The following EXT1 variants were observed in gnomAD, a reference collection of about 807,000 sequenced individuals.
EXT1 encodes the protein exostosin-1.
Under a neutral mutation model 82.5 loss-of-function variants are expected in EXT1, and 20 were observed. The ratio of observed to expected loss-of-function variants is 0.24; its 90% CI spans 0.17 to 0.35. The LOEUF is 0.35. EXT1 is among the 10% of genes least tolerant of loss of function. The pLI is 1.00. For missense variants in EXT1, 757 were observed against 936.5 expected, an observed-to-expected ratio of 0.81 and a Z score of 2.50; for synonymous variants, 348 against 350.8, an observed-to-expected ratio of 0.99 and a Z score of 0.09.
intron 6 of EXT1, among the ~76,000 whole-genome samples, chr8:117,819,022 C>T (rs929788368): frequency 1.3e-5 from 2 of 152,224 alleles, no homozygotes; most frequent in African/African-American, 4.8e-5. Context: ...TTTGCATGCT[C>T]TAGAATGGTT....
intron 3 of EXT1, chr8:117,831,609 A>G (rs1815216917): frequency 2.1e-6 from 1 of 471,012 alleles, no homozygotes; most frequent in Non-Finnish European, 4.4e-6. Context: ...CTCTTTCTGC[A>G]TGCTTGCCTC....
chr8:118,046,103 C>A (rs1816617994), intron 1 of EXT1, among the ~76,000 whole-genome samples: 1 of 143,844 alleles, frequency 7.0e-6, no homozygotes, highest in Non-Finnish European at 1.5e-5. Context: ...GCCTAGATGT[C>A]TTTTTTTTTT....
intron 1 of EXT1, among the ~76,000 whole-genome samples, chr8:118,086,034 A>T (rs1483066770): frequency 6.6e-6 from 1 of 152,166 alleles, no homozygotes; most frequent in African/African-American, 2.4e-5. Flanking sequence ...GCGAGGCCTC[A>T]TTTTTTTAGT....
intron 1 of EXT1, among the ~76,000 whole-genome samples, chr8:118,050,306 C>G (rs973898763): frequency 1.3e-5 from 2 of 152,204 alleles, no homozygotes; most frequent in East Asian, 3.9e-4. Flanking sequence ...TGGCAGCATG[C>G]TATACATGTA....
chr8:118,005,494 C>T (rs17505121), intron 1 of EXT1, among the ~76,000 whole-genome samples: 4,768 of 152,252 alleles, frequency 0.031, 278 homozygotes, highest in African/African-American at 0.11. Flanking sequence ...GAATGTTTCA[C>T]GTGCAATTAG....
chr8:117,988,818 C>G (rs1048814689), intron 1 of EXT1, among the ~76,000 whole-genome samples: 5 of 152,220 alleles, frequency 3.3e-5, no homozygotes, highest in African/African-American at 1.2e-4. Context: ...GCACAGGCTC[C>G]TGCCGGTCCA....
At chr8:117,847,374 A>G (rs1486724721) in intron 1 of EXT1, among the ~76,000 whole-genome samples, 1 of 152,144 alleles carries the variant, frequency 6.6e-6, no homozygotes. Flanking sequence ...CCTTTTGTAC[A>G]TTTTAAAATC....
intron 1 of EXT1, among the ~76,000 whole-genome samples, chr8:118,070,114 G>A (rs143818594): frequency 6.6e-6 from 1 of 152,248 alleles, no homozygotes; most frequent in East Asian, 1.9e-4. Context: ...GATTTATACA[G>A]TAATGTAACA....
intron 3 of EXT1, chr8:117,831,652 G>A: frequency 2.1e-6 from 1 of 471,176 alleles, no homozygotes; most frequent in Non-Finnish European, 4.4e-6. Flanking sequence ...AGATATGGGA[G>A]TCTGAGCAAG....
chr8:117,836,967 G>A, intron 2 of EXT1, 141 bp downstream of exon 2: 1 of 677,478 alleles, frequency 1.5e-6, no homozygotes, highest in Non-Finnish European at 2.7e-6. Context: ...AAATGTTTTA[G>A]ATTTTCTTGA....
chr8:117,920,114 TA>T (rs1813826334), intron 1 of EXT1, among the ~76,000 whole-genome samples: 1 of 152,144 alleles, frequency 6.6e-6, no homozygotes, highest in Non-Finnish European at 1.5e-5. Flanking sequence ...TATTTTATTT[TA>T]TTTTTTTGAG....
chr8:118,045,696 C>T (rs546898173), intron 1 of EXT1, among the ~76,000 whole-genome samples: 3 of 152,040 alleles, frequency 2.0e-5, no homozygotes, highest in South Asian at 2.1e-4. Context: ...ATACATAATA[C>T]GTATCTGAGT....
At chr8:118,000,809 C>T (rs1288627734) in intron 1 of EXT1, among the ~76,000 whole-genome samples, 3 of 152,016 alleles carry the variant, frequency 2.0e-5, no homozygotes, top group Non-Finnish European at 2.9e-5. Context: ...ATTATCTCCA[C>T]GAGAGAAAGA....
At chr8:117,975,923 T>C (rs2199545) in intron 1 of EXT1, among the ~76,000 whole-genome samples, 114,246 of 152,090 alleles carry the variant, frequency 0.75, 44,333 homozygotes, top group African/African-American at 0.94. Flanking sequence ...CCTCGACGCT[T>C]ATATTAGTTT....
rs1392487166 is a variant in EXT1, at chr8:118,109,450, CAT to C, written c.962+633_962+634del. On this transcript the variant is annotated intron_variant, in intron 1 of 10. Coordinates refer to ENST00000378204, the MANE Select transcript of EXT1 (RefSeq NM_000127.3). ...AAATGAATGAATGAATGAATGCATG[CAT>C]GCATGCATGCATGCAAAGCCACAGG... is the stretch of plus-strand genomic sequence containing the variant. 7.8e-4 allele frequency among the ~76,000 whole-genome samples: 119 copies of C among 151,600 alleles called. 1 individual carries two copies. The highest frequency in any genetic ancestry group is 2.9e-3 in the African/African-American group (118 of 41,346).
rs892077868 is a variant in EXT1, at chr8:118,095,706, T to G, written c.962+14379A>C. ...TTTGGAAAATGGCCTTCCTAATCTT[T>G]TGTAAAAACATCATAAAACATAATT... On this transcript the variant is annotated intron_variant, in intron 1 of 10. Coordinates refer to ENST00000378204, the MANE Select transcript of EXT1 (RefSeq NM_000127.3). Among the ~76,000 whole-genome samples the G allele has an allele frequency of 2.0e-5, 3 of 152,238 alleles. No individual in the cohort carries two copies. The South Asian group carries it at 6.2e-4, about 31-fold the overall frequency.
intron 7 of EXT1, among the ~76,000 whole-genome samples, chr8:117,814,018 A>AGAG (rs1017022647): frequency 2.6e-5 from 4 of 151,942 alleles, no homozygotes; most frequent in Non-Finnish European, 4.4e-5. Flanking sequence ...AAACAAAAAA[A>AGAG]GAGAAGAAGA....
At chr8:117,927,539 T>C (rs1813976502) in intron 1 of EXT1, among the ~76,000 whole-genome samples, 2 of 152,198 alleles carry the variant, frequency 1.3e-5, no homozygotes, top group South Asian at 2.1e-4. Flanking sequence ...GCTGTAGTCC[T>C]TATCTGAAGG....
chr8:117,840,617 A>AG lies in EXT1; in HGVS notation c.963-3417dup, dbSNP rs1375586080. On this transcript the variant is annotated intron_variant, in intron 1 of 10. Coordinates refer to ENST00000378204, the MANE Select transcript of EXT1 (RefSeq NM_000127.3). The stretch of plus-strand genomic sequence containing the variant: ...ACAAGAGCGAAACTCTATCTCAAAA[A>AG]GAAAAAAAAAAAAAAGAAAGAGAGA... Among the ~76,000 whole-genome samples, 533 of 151,698 alleles carry AG rather than the reference A, an allele frequency of 3.5e-3. 1 individual carries two copies. Among genetic ancestry groups the AG allele is most frequent in the African/African-American group, 0.012 (496 of 41,410 alleles).
Sources: allele counts gnomAD v4.1 joint callset (sites outside exome capture counted in the v4.1 genomes callset), GRCh38; gene constraint gnomAD v4.1.1; transcripts MANE v1.5; gene names NCBI Gene and HGNC (gene_info 2026-07-23, HGNC 2026-07-21).